The following ANKRD45 variants were observed in gnomAD, a reference collection of about 807,000 sequenced individuals.
The protein encoded by ANKRD45 is ankyrin repeat domain-containing protein 45.
ANKRD45 carries 21 observed loss-of-function variants against 28.1 expected under a neutral mutation model. The ratio of observed to expected loss-of-function variants is 0.75; its 90% CI spans 0.53 to 1.08. The LOEUF (loss-of-function observed/expected upper bound fraction) is 1.08, where lower values mean the gene tolerates loss of function less well. ANKRD45 is among the 50% of genes least tolerant of loss of function. ANKRD45 has a pLI of 0.00. For missense variants in ANKRD45, 261 were observed against 308.7 expected (o/e 0.85, Z 1.16); for synonymous variants, 86 against 103.9 (o/e 0.83, Z 1.05).
chr1:173,688,578 C>G, the ANKRD45 span, among the ~76,000 whole-genome samples: 4 of 137,072 alleles, frequency 2.9e-5, no homozygotes, highest in Non-Finnish European at 4.9e-5. Flanking sequence ...CTCTCTCTGC[C>G]GCTTCCTCTC....
intron 2 of ANKRD45, among the ~76,000 whole-genome samples, chr1:173,651,586 T>C (rs1336139821): frequency 6.6e-6 from 1 of 152,236 alleles, no homozygotes; most frequent in Admixed American, 6.5e-5. Flanking sequence ...AGGGTCTTTT[T>C]TGGTTCCATA....
intron 5 of ANKRD45, among the ~76,000 whole-genome samples, chr1:173,618,278 C>T (rs1667551862): frequency 6.6e-6 from 1 of 152,262 alleles, no homozygotes; most frequent in South Asian, 2.1e-4. Context: ...AGCAAGGGCA[C>T]AGAACTGAGG....
chr1:173,672,104 C>T (rs1210471157), upstream of ANKRD45, among the ~76,000 whole-genome samples: 1 of 152,122 alleles, frequency 6.6e-6, no homozygotes, highest in African/African-American at 2.4e-5. Flanking sequence ...CGGCTGCAGA[C>T]CCATACAGAT....
intron 1 of ANKRD45, chr1:173,669,463 C>A (rs1571792599): frequency 2.2e-6 from 1 of 455,210 alleles, no homozygotes. Flanking sequence ...CCAAGGGCAA[C>A]CCTGGGCACA....
At position 173,608,464 on chromosome 1, in the gene ANKRD45, C is replaced by A. The variant is rs566989446; in HGVS notation, c.*1681G>T. 6.6e-6 allele frequency among the ~76,000 whole-genome samples: 1 copy of A among 151,952 alleles called. No homozygotes were observed. The highest frequency in any genetic ancestry group is 1.9e-4 in the East Asian group (1 of 5,130). ...TCCCAAGTCACTGGGATTACAGGCA[C>A]GTGCCACCACATACAGCTAAATTTT... On this transcript the variant is annotated 3_prime_UTR_variant, in exon 6 of 6. Transcript: ENST00000333279.
chr1:173,713,531 C>T, the ANKRD45 span, among the ~76,000 whole-genome samples: 2 of 152,122 alleles, frequency 1.3e-5, no homozygotes, highest in Non-Finnish European at 2.9e-5. Flanking sequence ...AGCCATTATT[C>T]CAGAGGTCAC....
upstream of ANKRD45, among the ~76,000 whole-genome samples, chr1:173,671,742 C>T (rs996365380): frequency 2.0e-5 from 3 of 151,564 alleles, no homozygotes; most frequent in Non-Finnish European, 2.9e-5. Flanking sequence ...ATTAGCCAGG[C>T]GTGGTGGTAT....
At position 173,648,834 on chromosome 1, in the gene ANKRD45, G is replaced by C. The variant is rs532763900; in HGVS notation, c.329-1821C>G. 2.0e-5 allele frequency among the ~76,000 whole-genome samples: 3 copies of C among 152,200 alleles called. 1 individual carries two copies. The highest frequency in any genetic ancestry group is 7.2e-5 in the African/African-American group (3 of 41,542). ...TGGGTCTCTCCTTTTCCTTTATATAGTATGGTTTTCAGGTATTACTATTAT... is the reference window on the plus strand; with the variant it reads ...TGGGTCTCTCCTTTTCCTTTATATACTATGGTTTTCAGGTATTACTATTAT... On this transcript the variant is annotated intron_variant, in intron 2 of 5. Coordinates refer to ENST00000333279, the MANE Select transcript of ANKRD45 (RefSeq NM_198493.3).
chr1:173,646,437 G>A (rs1668926609), intron 3 of ANKRD45, among the ~76,000 whole-genome samples: 1 of 152,108 alleles, frequency 6.6e-6, no homozygotes, highest in Non-Finnish European at 1.5e-5. Flanking sequence ...TAAAATTATT[G>A]TTACAACCTT....
the ANKRD45 span, among the ~76,000 whole-genome samples, chr1:173,684,326 C>A: frequency 6.6e-6 from 1 of 152,194 alleles, no homozygotes; most frequent in Non-Finnish European, 1.5e-5. Context: ...TATTTCCTTA[C>A]AGCTGTCTTT....
intron 5 of ANKRD45, among the ~76,000 whole-genome samples, chr1:173,620,559 A>G (rs1325004219): frequency 6.6e-6 from 1 of 152,186 alleles, no homozygotes; most frequent in African/African-American, 2.4e-5. Flanking sequence ...AACCAAGAGC[A>G]TGGACACAGG....
At chr1:173,667,828 G>A (rs1404459384) in intron 1 of ANKRD45, 1 of 299,124 alleles carries the variant, frequency 3.3e-6, no homozygotes, top group African/African-American at 2.3e-5. Flanking sequence ...ATATATCTAT[G>A]TAAGGAGGAA....
At chr1:173,631,275 C>A (rs111897172) in intron 3 of ANKRD45, among the ~76,000 whole-genome samples, 9 of 152,186 alleles carry the variant, frequency 5.9e-5, no homozygotes, top group African/African-American at 2.2e-4. Context: ...GAGGATATAA[C>A]AGCTGGGAAT....
chr1:173,684,077 G>C, the ANKRD45 span, among the ~76,000 whole-genome samples: 1 of 152,168 alleles, frequency 6.6e-6, no homozygotes, highest in East Asian at 1.9e-4. Flanking sequence ...GCAGGTAGCA[G>C]GTAATCAGAA....
intron 2 of ANKRD45, among the ~76,000 whole-genome samples, chr1:173,649,466 A>C (rs1669085190): frequency 6.6e-6 from 1 of 152,096 alleles, no homozygotes; most frequent in African/African-American, 2.4e-5. Context: ...ACATATTTTC[A>C]TTTATTTACT....
At chr1:173,663,624 G>A (rs1482546139) in intron 1 of ANKRD45, among the ~76,000 whole-genome samples, 1 of 152,110 alleles carries the variant, frequency 6.6e-6, no homozygotes, top group Non-Finnish European at 1.5e-5. Flanking sequence ...CAAATAGTAA[G>A]CGATAAGATG....
chr1:173,666,762 T>A (rs530787181), intron 1 of ANKRD45, among the ~76,000 whole-genome samples: 18 of 150,854 alleles, frequency 1.2e-4, no homozygotes, highest in South Asian at 4.2e-4. Context: ...TTAAAAAAAA[T>A]TTTTTTTTTA....
At chr1:173,666,785 C>T (rs570761935) in intron 1 of ANKRD45, among the ~76,000 whole-genome samples, 219 of 152,144 alleles carry the variant, frequency 1.4e-3, no homozygotes, top group African/African-American at 5.2e-3. Flanking sequence ...CAAGATCTCA[C>T]TCTGTCACCC....
rs1457101539 is a variant in ANKRD45, at chr1:173,624,854, C to T, written c.663G>A (p.Glu221=). Residue 221 remains glutamate, a synonymous_variant, in exon 5 of 6, where the codon GAG becomes GAA. Coordinates refer to ENST00000333279, the MANE Select transcript of ANKRD45 (RefSeq NM_198493.3). ...CCAGTTGTTGTCTCTGCTCAAAAAG[C>T]TCATTAATGGAAGCTTCTGTATGGG... ...LETHTEASIN[E]LFEQRQQLED... is the part of the protein sequence containing the mutation. 1.9e-6 allele frequency: 3 copies of T among 1,613,676 alleles called. No individual in the cohort carries two copies. The highest frequency in any genetic ancestry group is 2.5e-6 in the Non-Finnish European group (3 of 1,179,822).
Sources: gnomAD v4.1 joint callset for allele counts (sites outside exome capture counted in the v4.1 genomes callset) on GRCh38, gnomAD v4.1.1 for gene constraint, MANE v1.5 for transcripts, NCBI Gene and HGNC (gene_info 2026-07-23, HGNC 2026-07-21) for gene names.